The following INSR variants were observed in gnomAD, a reference collection of about 807,000 sequenced individuals.
The protein encoded by INSR is IR.
In INSR, 67 loss-of-function variants were observed where a neutral mutation model predicts 142.6. That is an observed-to-expected ratio of 0.47 (90% confidence interval 0.39 to 0.58). The LOEUF is 0.58. Among genes scored for constraint, INSR ranks in the 20% least tolerant of loss-of-function variants. The pLI is 0.00. For missense variants in INSR, 1,248 were observed against 1,833.2 expected (o/e 0.68, Z 5.83); for synonymous variants, 756 against 743.1 (o/e 1.02, Z -0.28).
At chr19:7,152,431 C>A in intron 10 of INSR, 1 of 441,982 alleles carries the variant, frequency 2.3e-6, no homozygotes, top group Non-Finnish European at 4.2e-6. Context: ...AATCGTCTAA[C>A]GGAGTTTGTT....
At chr19:7,180,685 A>C (rs74453092) in intron 3 of INSR, among the ~76,000 whole-genome samples, 3,987 of 152,108 alleles carry the variant, frequency 0.026, 160 homozygotes, top group African/African-American at 0.084. Flanking sequence ...GAGGGGAAAA[A>C]GTGGATCATT....
chr19:7,201,862 C>T (rs57566285), intron 2 of INSR, among the ~76,000 whole-genome samples: 17 of 151,938 alleles, frequency 1.1e-4, no homozygotes, highest in African/African-American at 3.9e-4. Flanking sequence ...GGGGTTTCAC[C>T]GTGTTAACCA....
intron 2 of INSR, among the ~76,000 whole-genome samples, chr19:7,256,020 A>G (rs886180946): frequency 6.6e-6 from 1 of 152,142 alleles, no homozygotes; most frequent in Non-Finnish European, 1.5e-5. Flanking sequence ...GCCCAGAAAC[A>G]TACTCTCTAG....
intron 13 of INSR, 139 bp downstream of exon 13, chr19:7,141,538 G>A: frequency 2.4e-6 from 3 of 1,241,012 alleles, no homozygotes; most frequent in South Asian, 2.6e-5. Flanking sequence ...AGGTATCAAG[G>A]CTTTAAGTAC....
chr19:7,293,564 C>T (rs1256137720), intron 1 of INSR, among the ~76,000 whole-genome samples: 1 of 152,082 alleles, frequency 6.6e-6, no homozygotes, highest in African/African-American at 2.4e-5. Flanking sequence ...CAAGGTTCCT[C>T]GGGCTCAGGT....
chr19:7,210,972 C>T (rs1377393461), intron 2 of INSR, among the ~76,000 whole-genome samples: 1 of 152,176 alleles, frequency 6.6e-6, no homozygotes, highest in East Asian at 1.9e-4. Flanking sequence ...TCAAGTGATC[C>T]GTCCTCCCAA....
intron 19 of INSR, 95 bp downstream of exon 19, chr19:7,122,519 T>A (rs374509229): frequency 7.6e-6 from 10 of 1,310,524 alleles, no homozygotes; most frequent in East Asian, 4.6e-5. Context: ...CTTTATATTA[T>A]CAGAAAAGAC....
chr19:7,282,842 G>A (rs1018411570), intron 1 of INSR, among the ~76,000 whole-genome samples: 4 of 137,224 alleles, frequency 2.9e-5, no homozygotes, highest in South Asian at 4.6e-4. Context: ...GGGCAGTGGC[G>A]GGCGCCTGTA....
intron 2 of INSR, among the ~76,000 whole-genome samples, chr19:7,199,283 G>C (rs1404732766): frequency 6.6e-6 from 1 of 152,160 alleles, no homozygotes; most frequent in Admixed American, 6.6e-5. Context: ...CCGAGGCATA[G>C]AGGGGCTACT....
At chr19:7,172,971 A>G (rs1184252873) in intron 4 of INSR, among the ~76,000 whole-genome samples, 1 of 152,146 alleles carries the variant, frequency 6.6e-6, no homozygotes, top group African/African-American at 2.4e-5. Context: ...TTTTGTAAAT[A>G]AAGTTTTATT....
chr19:7,152,374 CTG>C (rs1973388674), intron 10 of INSR: 3 of 253,028 alleles, frequency 1.2e-5, no homozygotes, highest in Non-Finnish European at 1.5e-5. Flanking sequence ...GAGTGAGACT[CTG>C]TCAAAAAAAA....
At chr19:7,249,829 A>G (rs1051393111) in intron 2 of INSR, among the ~76,000 whole-genome samples, 17 of 151,592 alleles carry the variant, frequency 1.1e-4, no homozygotes, top group Admixed American at 9.8e-4. Context: ...CGTCTCTACT[A>G]AAAATACAAA....
intron 10 of INSR, among the ~76,000 whole-genome samples, chr19:7,151,158 CTTTCTCTT>C (rs1351316699): frequency 0.02 from 144 of 7,152 alleles, 6 homozygotes; most frequent in Admixed American, 0.038. Flanking sequence ...TCCTTTCTTT[CTTTCTCTT>C]TCTTTCTTTC....
intron 3 of INSR, among the ~76,000 whole-genome samples, chr19:7,175,570 C>G (rs901054780): frequency 1.3e-5 from 2 of 152,150 alleles, no homozygotes; most frequent in Non-Finnish European, 2.9e-5. Context: ...CAAAGTGGCT[C>G]ACGCCTGTAA....
intron 3 of INSR, among the ~76,000 whole-genome samples, chr19:7,179,768 C>T (rs1431395798): frequency 6.6e-6 from 1 of 152,174 alleles, no homozygotes; most frequent in African/African-American, 2.4e-5. Flanking sequence ...TCTCAGCTGC[C>T]GGTATACATG....
rs1968584920 is a variant in INSR at position 7,294,386 on chromosome 19, CG to C, written c.-496del. On this transcript the variant is annotated 5_prime_UTR_variant, in exon 1 of 22. Transcript: ENST00000302850. ...CGCGGCCCGTCAGCTGGGCCCCGTG[CG>C]GGCCGCGGGAAAAGGCGGCGCGGAT... Among the ~76,000 whole-genome samples, 1 of 151,404 alleles carries C rather than the reference CG, an allele frequency of 6.6e-6. No individual in the cohort carries two copies. The highest frequency in any genetic ancestry group is 2.4e-5 in the African/African-American group (1 of 41,302).
chr19:7,157,127 T>C (rs1395141728), intron 9 of INSR, among the ~76,000 whole-genome samples: 1 of 152,194 alleles, frequency 6.6e-6, no homozygotes, highest in Non-Finnish European at 1.5e-5. Context: ...ACTACAGGCG[T>C]GCACCACCAT....
chr19:7,145,017 A>G (rs1973157557), intron 11 of INSR, among the ~76,000 whole-genome samples: 2 of 151,682 alleles, frequency 1.3e-5, no homozygotes, highest in African/African-American at 4.8e-5. Context: ...CTATCACTCG[A>G]CTACGTTATT....
intron 2 of INSR, among the ~76,000 whole-genome samples, chr19:7,198,184 C>A (rs1056532479): frequency 6.6e-6 from 1 of 151,684 alleles, no homozygotes; most frequent in Non-Finnish European, 1.5e-5. Flanking sequence ...CCGGGGAATC[C>A]GGCCCCGGCG....
Sources: allele counts gnomAD v4.1 joint callset (sites outside exome capture counted in the v4.1 genomes callset), GRCh38; gene constraint gnomAD v4.1.1; transcripts MANE v1.5; gene names NCBI Gene and HGNC (gene_info 2026-07-23, HGNC 2026-07-21).